The following DNAH14 variants were observed in gnomAD, a reference collection of about 807,000 sequenced individuals.
DNAH14 encodes the protein dynein axonemal heavy chain 14.
Under a neutral mutation model 520.9 loss-of-function variants are expected in DNAH14, and 478 were observed. That is an observed-to-expected ratio of 0.92 (90% confidence interval 0.85 to 0.99). DNAH14 has a LOEUF of 0.99. Among genes scored for constraint, DNAH14 ranks in the 50% least tolerant of loss-of-function variants. The probability of loss-of-function intolerance (pLI) is 0.00; values close to 1 mark genes in which losing one functional copy is unlikely to be tolerated. For synonymous variants in DNAH14, 1,581 were observed against 1,757.2 expected, an observed-to-expected ratio of 0.90 and a Z score of 2.51; for missense variants, 4,831 against 5,234.5, an observed-to-expected ratio of 0.92 and a Z score of 2.38.
intron 21 of DNAH14, among the ~76,000 whole-genome samples, chr1:225,088,731 C>A (rs1379293336): frequency 6.6e-6 from 1 of 152,088 alleles, no homozygotes; most frequent in Non-Finnish European, 1.5e-5. Context: ...GGAAAATAGA[C>A]AAATGACCAA....
Position 225,147,240 on chromosome 1 carries a change from A to G in DNAH14, c.4931A>G (p.Tyr1644Cys), listed in dbSNP as rs1284547778. The change falls in exon 31 of 86, where the codon TAT (tyrosine) becomes TGT (cysteine). Residue 1644 changes from tyrosine (Y) to cysteine (C), a missense_variant. Tyr to Cys is a radical substitution (Grantham distance 194, BLOSUM62 -2). Transcript: ENST00000682510. ...ILTIKAAKDN[Y>C]SARFVLEGKE... ...ACAATTAAGGCTGCAAAAGACAACT[A>G]TTCTGCCAGGTATTTGTCGAATGTG... is the stretch of plus-strand genomic sequence containing the variant. The G allele has an allele frequency of 3.2e-6, 5 of 1,544,118 alleles. No individual in the cohort carries two copies. The highest frequency in any genetic ancestry group is 3.5e-6 in the Non-Finnish European group (4 of 1,145,008).
chr1:225,182,139 G>A (rs12069353), intron 36 of DNAH14, among the ~76,000 whole-genome samples: 3,252 of 152,216 alleles, frequency 0.021, 90 homozygotes, highest in African/African-American at 0.062. Context: ...CAGAAGTTGC[G>A]GTGAACCCAG....
intron 23 of DNAH14, among the ~76,000 whole-genome samples, chr1:225,112,552 C>G (rs140787469): frequency 1.3e-5 from 2 of 152,108 alleles, no homozygotes; most frequent in African/African-American, 4.8e-5. Context: ...ATTTCAACCC[C>G]TGTCTTCATC....
At chr1:225,110,412 A>G (rs942418148) in intron 23 of DNAH14, among the ~76,000 whole-genome samples, 2 of 151,646 alleles carry the variant, frequency 1.3e-5, no homozygotes, top group Non-Finnish European at 2.9e-5. Context: ...GGTAGGTTGT[A>G]TGTGTTTAGG....
chr1:225,020,708 A>T (rs1206600030), intron 10 of DNAH14, among the ~76,000 whole-genome samples: 2 of 152,082 alleles, frequency 1.3e-5, no homozygotes, highest in Non-Finnish European at 2.9e-5. Context: ...ACAGCCTTGG[A>T]CCATATGGAT....
chr1:225,037,485 A>G (rs2067075187), intron 11 of DNAH14, among the ~76,000 whole-genome samples: 1 of 152,226 alleles, frequency 6.6e-6, no homozygotes, highest in African/African-American at 2.4e-5. Flanking sequence ...ATAAACAAAC[A>G]TACAAACAAA....
chr1:225,266,906 C>T, intron 49 of DNAH14, 137 bp downstream of exon 49: 2 of 695,778 alleles, frequency 2.9e-6, no homozygotes, highest in Non-Finnish European at 4.4e-6. Context: ...AAAGTTGAGA[C>T]CCTAAACTAA....
At chr1:225,212,925 T>C (rs1470386893) in intron 41 of DNAH14, among the ~76,000 whole-genome samples, 1 of 152,234 alleles carries the variant, frequency 6.6e-6, no homozygotes, top group Non-Finnish European at 1.5e-5. Flanking sequence ...AGATCCCATT[T>C]GTCAATTTTG....
chr1:225,128,321 C>A (rs1419025985), intron 27 of DNAH14, among the ~76,000 whole-genome samples: 3 of 152,152 alleles, frequency 2.0e-5, no homozygotes, highest in African/African-American at 7.2e-5. Context: ...TTTTATGAGG[C>A]CAGCATCATC....
rs1003354293 is a variant in DNAH14, at chr1:225,100,650, A to C, written c.3696-63A>C. On this transcript the variant is annotated intron_variant, in intron 22 of 85. Coordinates refer to ENST00000682510, the MANE Select transcript of DNAH14 (RefSeq NM_001367479.1). The stretch of plus-strand genomic sequence containing the variant: ...ACAGTATTCCGTGGCAATGCATTAC[A>C]TTATAGATTTTAATCATAGTGCCTT... 3.7e-5 allele frequency: 47 copies of C among 1,270,142 alleles called. No individual in the cohort carries two copies. The East Asian group carries it at 1.1e-3, about 31-fold the overall frequency. 78.7% of individuals were successfully genotyped at this position (1,270,142 alleles called of 1,614,324 possible). A position where few individuals can be genotyped will look rare whatever the true frequency, so the allele number is the denominator to read the frequency against.
intron 2 of DNAH14, among the ~76,000 whole-genome samples, chr1:224,954,303 AATGAT>A (rs1238385128): frequency 6.6e-6 from 1 of 152,162 alleles, no homozygotes; most frequent in African/African-American, 2.4e-5. Context: ...TTACCTTCTT[AATGAT>A]ATAAGTATTT....
At position 225,360,737 on chromosome 1, in the gene DNAH14, C is replaced by A; in HGVS notation, c.11833C>A (p.His3945Asn). 1.9e-6 allele frequency: 3 copies of A among 1,551,706 alleles called. No individual in the cohort carries two copies. Among genetic ancestry groups the A allele is most frequent in the Non-Finnish European group, 1.7e-6 (2 of 1,146,990 alleles). The change falls in exon 75 of 86, where the codon CAT becomes AAT. Residue 3945 changes from histidine to asparagine, a missense_variant. By Grantham distance (68) the His-to-Asn change is moderately conservative. Transcript: ENST00000682510. The part of the protein sequence containing the change: ...RFAQELKGTT[H>N]HVTIISLGRD... ...TGCACAAGAGTTAAAAGGAACAACA[C>A]ATCATGTGACCATAATTTCTCTGGG... is the stretch of plus-strand genomic sequence containing the variant.
At chr1:225,311,758 TG>T (rs2094370392) in intron 60 of DNAH14, among the ~76,000 whole-genome samples, 1 of 152,182 alleles carries the variant, frequency 6.6e-6, no homozygotes, top group Non-Finnish European at 1.5e-5. Flanking sequence ...TGGTTGTAGA[TG>T]TGTAGGGTTA....
intron 10 of DNAH14, among the ~76,000 whole-genome samples, chr1:225,014,450 A>G (rs1362786740): frequency 2.6e-5 from 4 of 151,542 alleles, no homozygotes; most frequent in Admixed American, 1.3e-4. Context: ...ACTTATTGCT[A>G]TAAATTTGCC....
intron 17 of DNAH14, among the ~76,000 whole-genome samples, chr1:225,055,033 T>C (rs2068893692): frequency 6.6e-6 from 1 of 151,960 alleles, no homozygotes; most frequent in African/African-American, 2.4e-5. Flanking sequence ...TCAGTTGATC[T>C]TAAGTGACCT....
intron 81 of DNAH14, among the ~76,000 whole-genome samples, chr1:225,386,252 T>C (rs2095840827): frequency 6.6e-6 from 1 of 152,328 alleles, no homozygotes; most frequent in Non-Finnish European, 1.5e-5. Flanking sequence ...AAGACTTAAA[T>C]GTTAGACCTA....
In DNAH14 at chr1:225,333,387, A is replaced by G; in HGVS notation, c.9961A>G (p.Ile3321Val). Residue 3321 changes from isoleucine (I) to valine (V), a missense_variant, in exon 66 of 86, where the codon ATT becomes GTT. By Grantham distance (29) the Ile-to-Val change is conservative (BLOSUM62 3). Transcript: ENST00000682510. ...AGCAGCGTGCATTGTCTACAGTGGA[A>G]TTTTAACACCAGAATTTCGCCAGTT... ...LSAACIVYSG[I>V]LTPEFRQLIV... is the part of the protein sequence containing the mutation. The G allele has an allele frequency of 6.4e-7, 1 of 1,551,732 alleles. No individual in the cohort carries two copies. The highest frequency in any genetic ancestry group is 8.7e-7 in the Non-Finnish European group (1 of 1,146,944).
Position 225,093,007 on chromosome 1 carries a change from G to C in DNAH14, c.3574-4111G>C, listed in dbSNP as rs140118964. 2.0e-5 allele frequency among the ~76,000 whole-genome samples: 3 copies of C among 152,074 alleles called. No individual in the cohort carries two copies. The East Asian group carries it at 5.8e-4, about 29-fold the overall frequency. ...GAATAATTGAACAGACCAGTAATGA[G>C]TTCCAAAATTGAATCTGTAATAAAA... On this transcript the variant is annotated intron_variant, in intron 21 of 85. Transcript: ENST00000682510.
At chr1:225,219,803 T>C (rs1318874055) in intron 41 of DNAH14, among the ~76,000 whole-genome samples, 1 of 152,198 alleles carries the variant, frequency 6.6e-6, no homozygotes, top group African/African-American at 2.4e-5. Flanking sequence ...CTATAACTCA[T>C]TTTATGAAGC....
Sources: allele counts gnomAD v4.1 joint callset (sites outside exome capture counted in the v4.1 genomes callset), GRCh38; gene constraint gnomAD v4.1.1; transcripts MANE v1.5; gene names NCBI Gene and HGNC (gene_info 2026-07-23, HGNC 2026-07-21).